ASTN2: variants seen among roughly 807,000 people sequenced by gnomAD.
ASTN2 encodes the protein astrotactin-2.
In ASTN2, 54 loss-of-function variants were observed where a neutral mutation model predicts 139.8. The ratio of observed to expected loss-of-function variants is 0.39; its 90% confidence interval spans 0.31 to 0.48. ASTN2 has a LOEUF of 0.48. Among genes scored for constraint, ASTN2 ranks in the 20% least tolerant of loss-of-function variants. ASTN2 has a pLI of 0.95. For synonymous variants in ASTN2, 756 were observed against 719.5 expected (o/e 1.05, Z -0.81); for missense variants, 1,565 against 1,725.1 (o/e 0.91, Z 1.64).
rs1417859842 is a variant in ASTN2, at chr9:116,878,091, C to T, written c.1890-14358G>A. On this transcript the variant is annotated intron_variant, in intron 10 of 22. Coordinates refer to ENST00000313400, the MANE Select transcript of ASTN2 (RefSeq NM_001365068.1). The stretch of plus-strand genomic sequence containing the variant: ...TGGTGAAGCTGTGGACAAATAGGAA[C>T]ACTTTTACACTGTTGGAGGGAATGT... 2.0e-5 allele frequency among the ~76,000 whole-genome samples: 3 copies of T among 152,180 alleles called. No homozygotes were observed. The East Asian group carries it at 5.8e-4, about 29-fold the overall frequency.
At chr9:117,151,794 A>G (rs893550786) in intron 3 of ASTN2, among the ~76,000 whole-genome samples, 2 of 152,106 alleles carry the variant, frequency 1.3e-5, no homozygotes, top group Non-Finnish European at 1.5e-5. Flanking sequence ...TACCAAGAGA[A>G]TTCATCTTCA....
chr9:116,740,936 T>C (rs537814597), intron 13 of ASTN2, among the ~76,000 whole-genome samples: 85 of 151,714 alleles, frequency 5.6e-4, no homozygotes, highest in African/African-American at 2.0e-3. Flanking sequence ...GAGCATTTGT[T>C]GAACCATGTG....
chr9:116,552,020 TACATATACATAC>T (rs1852375213), intron 19 of ASTN2: 1 of 116,016 alleles, frequency 8.6e-6, no homozygotes, highest in Non-Finnish European at 1.9e-5. Flanking sequence ...CATACACATA[TACATATACATAC>T]ACATATACAT....
At chr9:117,090,110 C>T in intron 5 of ASTN2, among the ~76,000 whole-genome samples, 1 of 152,154 alleles carries the variant, frequency 6.6e-6, no homozygotes, top group East Asian at 1.9e-4. Context: ...GAACTAGCAC[C>T]TGTTTTTAAA....
intron 13 of ASTN2, among the ~76,000 whole-genome samples, chr9:116,796,301 C>A (rs892294294): frequency 1.3e-5 from 2 of 152,066 alleles, no homozygotes; most frequent in Non-Finnish European, 2.9e-5. Context: ...TCATTGTATC[C>A]CAAAATTGTT....
intron 16 of ASTN2, among the ~76,000 whole-genome samples, chr9:116,714,661 G>T (rs1828264396): frequency 6.6e-6 from 1 of 152,188 alleles, no homozygotes; most frequent in Non-Finnish European, 1.5e-5. Flanking sequence ...ATGACACATA[G>T]CTTCTTATGT....
rs923345588 is a variant in ASTN2 at position 116,454,782 on chromosome 9, C to T, written c.3498-12229G>A. ...GAAACCATCATTCTGAGCAAACTAT[C>T]GCAAGGACAGAAAACCAAGCATCGC... On this transcript the variant is annotated intron_variant, in intron 20 of 22. Coordinates refer to ENST00000313400, the MANE Select transcript of ASTN2 (RefSeq NM_001365068.1). Among the ~76,000 whole-genome samples, 6 of 152,244 alleles carry T rather than the reference C, an allele frequency of 3.9e-5. No homozygotes were observed. The South Asian group carries it at 1.0e-3, about 26-fold the overall frequency.
intron 3 of ASTN2, among the ~76,000 whole-genome samples, chr9:117,212,427 T>C (rs1031591064): frequency 2.0e-5 from 3 of 151,630 alleles, no homozygotes; most frequent in African/African-American, 7.3e-5. Flanking sequence ...TATGTCAAAC[T>C]AAAAAGCTCC....
intron 20 of ASTN2, among the ~76,000 whole-genome samples, chr9:116,469,545 A>G (rs1267083266): frequency 6.6e-6 from 1 of 152,184 alleles, no homozygotes; most frequent in Non-Finnish European, 1.5e-5. Context: ...CTGCTTTCAA[A>G]TGCTAGTTCT....
At chr9:116,482,478 TG>T (rs1478730830) in intron 20 of ASTN2, among the ~76,000 whole-genome samples, 1 of 152,194 alleles carries the variant, frequency 6.6e-6, no homozygotes, top group Non-Finnish European at 1.5e-5. Flanking sequence ...CAGAAAGTCC[TG>T]GTGGCACTGG....
At chr9:117,356,948 CA>C (rs1462424832) in intron 1 of ASTN2, among the ~76,000 whole-genome samples, 4 of 151,960 alleles carry the variant, frequency 2.6e-5, no homozygotes, top group African/African-American at 9.7e-5. Context: ...CCTGTAATGC[CA>C]GCTACTTGGG....
chr9:116,731,178 GTAATAATAATAATAATAATAA>G (rs68099311), intron 14 of ASTN2, among the ~76,000 whole-genome samples: 24 of 140,192 alleles, frequency 1.7e-4, no homozygotes, highest in Admixed American at 6.5e-4. Context: ...ATTTTTCCTG[GTAATAATAATAATAATAATAA>G]TAATAATAAT....
chr9:116,478,997 A>G (rs1173093325), intron 20 of ASTN2, among the ~76,000 whole-genome samples: 1 of 133,506 alleles, frequency 7.5e-6, no homozygotes, highest in Non-Finnish European at 1.7e-5. Context: ...GCCTCAAAAA[A>G]AAAAAAAAAA....
intron 11 of ASTN2, among the ~76,000 whole-genome samples, chr9:116,822,331 C>A (rs1465046276): frequency 1.3e-5 from 2 of 152,068 alleles, no homozygotes; most frequent in Admixed American, 1.3e-4. Context: ...TTATAAATGG[C>A]CTTTGTCAAG....
intron 19 of ASTN2, among the ~76,000 whole-genome samples, chr9:116,574,453 C>T (rs1476153720): frequency 6.6e-6 from 1 of 152,204 alleles, no homozygotes; most frequent in Non-Finnish European, 1.5e-5. Flanking sequence ...CTCCACCCAA[C>T]CCCACTTCAA....
At chr9:116,940,111 T>C (rs1056821819) in intron 10 of ASTN2, among the ~76,000 whole-genome samples, 11 of 152,226 alleles carry the variant, frequency 7.2e-5, no homozygotes, top group Admixed American at 3.3e-4. Context: ...CTTTTAATTG[T>C]TATTTTTATT....
intron 19 of ASTN2, among the ~76,000 whole-genome samples, chr9:116,589,323 T>A (rs1854284856): frequency 1.3e-5 from 2 of 152,340 alleles, no homozygotes; most frequent in South Asian, 4.1e-4. Context: ...GTAGACAACT[T>A]CAAAATGGAG....
At chr9:116,695,424 C>T (rs1860793807) in intron 16 of ASTN2, among the ~76,000 whole-genome samples, 1 of 152,150 alleles carries the variant, frequency 6.6e-6, no homozygotes, top group South Asian at 2.1e-4. Flanking sequence ...TTGTGCATGT[C>T]TGCTGCTATA....
intron 4 of ASTN2, among the ~76,000 whole-genome samples, chr9:117,109,261 G>A (rs571976210): frequency 1.4e-4 from 22 of 151,964 alleles, no homozygotes; most frequent in Admixed American, 7.2e-4. Flanking sequence ...CAGCCTGGGC[G>A]ACAGAGGGAG....
Sources: allele counts gnomAD v4.1 joint callset (sites outside exome capture counted in the v4.1 genomes callset), GRCh38; gene constraint gnomAD v4.1.1; transcripts MANE v1.5; gene names NCBI Gene and HGNC (gene_info 2026-07-23, HGNC 2026-07-21).